SPATS2: variants seen among roughly 807,000 people sequenced by gnomAD.
SPATS2 encodes spermatogenesis associated serine rich 2, also known as spermatogenesis-associated serine-rich protein 2.
Under a neutral mutation model 63.7 loss-of-function variants are expected in SPATS2, and 38 were observed. The observed-to-expected ratio is 0.60, with a 90% CI of 0.46 to 0.78. The LOEUF is 0.78. Ranked by LOEUF, SPATS2 falls within the 30% of genes least tolerant of loss-of-function variation. The pLI is 0.00. For synonymous variants in SPATS2, 207 were observed against 232.9 expected, an observed-to-expected ratio of 0.89 and a Z score of 1.01; for missense variants, 588 against 666.2, an observed-to-expected ratio of 0.88 and a Z score of 1.29.
At chr12:49,494,629 T>A in intron 6 of SPATS2, 112 bp from the exon 7 acceptor site, 1 of 1,063,354 alleles carries the variant, frequency 9.4e-7, no homozygotes. Context: ...TGAAAGAACA[T>A]ACAAGAAATT....
At chr12:49,402,032 A>G (rs11610997) in intron 2 of SPATS2, among the ~76,000 whole-genome samples, 7,350 of 152,316 alleles carry the variant, frequency 0.048, 263 homozygotes, top group Non-Finnish European at 0.075. Context: ...GCTGGAGTGC[A>G]GTGGTGCAAA....
chr12:49,476,741 G>GTGGA (rs1346668028), intron 3 of SPATS2, among the ~76,000 whole-genome samples: 5 of 152,174 alleles, frequency 3.3e-5, no homozygotes, highest in Non-Finnish European at 7.3e-5. Context: ...TTTGTGAAAG[G>GTGGA]TGGACTGACT....
chr12:49,427,622 G>A (rs1350022723), intron 2 of SPATS2, among the ~76,000 whole-genome samples: 1 of 152,130 alleles, frequency 6.6e-6, no homozygotes, highest in Non-Finnish European at 1.5e-5. Flanking sequence ...AAATAAATAA[G>A]AAATGAAACC....
At chr12:49,504,187 C>T (rs1380029832) in intron 9 of SPATS2, among the ~76,000 whole-genome samples, 2 of 152,078 alleles carry the variant, frequency 1.3e-5, no homozygotes, top group African/African-American at 2.4e-5. Flanking sequence ...CAGATTTGCC[C>T]CAGTAAAAGT....
intron 8 of SPATS2, 59 bp downstream of exon 8, chr12:49,497,068 G>A: frequency 4.8e-6 from 7 of 1,460,362 alleles, no homozygotes; most frequent in Non-Finnish European, 6.4e-6. Context: ...GGCTAAAGAG[G>A]GCAAATTATC....
At chr12:49,397,277 T>C (rs1241797806) in intron 2 of SPATS2, among the ~76,000 whole-genome samples, 1 of 152,220 alleles carries the variant, frequency 6.6e-6, no homozygotes, top group Non-Finnish European at 1.5e-5. Context: ...TTTCATGGCA[T>C]GTATCATAGT....
chr12:49,498,997 G>C (rs186257557), intron 8 of SPATS2, among the ~76,000 whole-genome samples: 24 of 152,092 alleles, frequency 1.6e-4, no homozygotes, highest in Non-Finnish European at 2.5e-4. Flanking sequence ...TGCTGGCCAG[G>C]CTGGTCTTGA....
intron 3 of SPATS2, among the ~76,000 whole-genome samples, chr12:49,477,230 A>T (rs1403103211): frequency 6.6e-6 from 1 of 152,202 alleles, no homozygotes; most frequent in African/African-American, 2.4e-5. Flanking sequence ...TCCTTCCCGT[A>T]AAAACCCTGA....
intron 2 of SPATS2, among the ~76,000 whole-genome samples, chr12:49,390,964 GT>G (rs1299656585): frequency 1.3e-5 from 2 of 152,166 alleles, no homozygotes; most frequent in Non-Finnish European, 2.9e-5. Context: ...AGGATACTAT[GT>G]AGTTCATTTA....
At chr12:49,428,273 C>CAAAA (rs35741319) in intron 2 of SPATS2, among the ~76,000 whole-genome samples, 2 of 138,654 alleles carry the variant, frequency 1.4e-5, no homozygotes, top group African/African-American at 2.6e-5. Context: ...AACAAACAAA[C>CAAAA]AAAAAAAAAA....
At chr12:49,448,140 CTT>C (rs572119924) in intron 2 of SPATS2, among the ~76,000 whole-genome samples, 18 of 132,090 alleles carry the variant, frequency 1.4e-4, no homozygotes, top group Non-Finnish European at 1.2e-4. Context: ...TATTTTCTTT[CTT>C]TTTTTTTTTT....
chr12:49,391,163 G>A (rs1187137229), intron 2 of SPATS2, among the ~76,000 whole-genome samples: 1 of 152,214 alleles, frequency 6.6e-6, no homozygotes, highest in African/African-American at 2.4e-5. Flanking sequence ...GCTGAAAGCG[G>A]GGGTAGAGGT....
upstream of SPATS2, chr12:49,367,458 C>T: frequency 2.5e-6 from 1 of 400,416 alleles, no homozygotes; most frequent in Non-Finnish European, 4.4e-6. Flanking sequence ...GGGAGGAGCG[C>T]GGCGGCGACG....
intron 2 of SPATS2, among the ~76,000 whole-genome samples, chr12:49,455,796 A>AT (rs1199129762): frequency 2.0e-5 from 3 of 151,932 alleles, no homozygotes; most frequent in Admixed American, 1.3e-4. Context: ...TAATTTTTGT[A>AT]TTTTTTGTAG....
At chr12:49,457,036 T>C (rs946128508) in intron 2 of SPATS2, among the ~76,000 whole-genome samples, 2 of 152,128 alleles carry the variant, frequency 1.3e-5, no homozygotes, top group African/African-American at 2.4e-5. Context: ...TTCCAGTTTT[T>C]CTTTAACTTT....
chr12:49,526,326 C>G lies in SPATS2; in HGVS notation c.*71C>G. 1.3e-6 allele frequency: 2 copies of G among 1,488,760 alleles called. No homozygotes were observed. The highest frequency in any genetic ancestry group is 1.4e-5 in the South Asian group (1 of 72,000). 92.2% of individuals were successfully genotyped at this position (1,488,760 alleles called of 1,614,324 possible). ...TGATAACTGGACTTTAGGAAACTTA[C>G]AGTTAGATGTAATAACAAAAAGAAG... On this transcript the variant is annotated 3_prime_UTR_variant, in exon 14 of 14. Transcript: ENST00000552918.
At chr12:49,405,421 G>A (rs1944676746) in intron 2 of SPATS2, among the ~76,000 whole-genome samples, 1 of 152,088 alleles carries the variant, frequency 6.6e-6, no homozygotes, top group East Asian at 1.9e-4. Context: ...GCTTGGGCTG[G>A]GCACCGTGGC....
intron 2 of SPATS2, among the ~76,000 whole-genome samples, chr12:49,382,924 C>T (rs1247611847): frequency 9.9e-5 from 15 of 151,738 alleles, no homozygotes; most frequent in African/African-American, 3.4e-4. Context: ...AGGCTGGTCA[C>T]GAACTCCTGA....
At chr12:49,367,773 G>C (rs779414993) in intron 1 of SPATS2, among the ~76,000 whole-genome samples, 186 bp downstream of exon 1, 1 of 151,954 alleles carries the variant, frequency 6.6e-6, no homozygotes, top group Non-Finnish European at 1.5e-5. Flanking sequence ...GGTCTGTGGG[G>C]CGGGTGAAAC....
Sources: allele counts gnomAD v4.1 joint callset (sites outside exome capture counted in the v4.1 genomes callset), GRCh38; gene constraint gnomAD v4.1.1; transcripts MANE v1.5; gene names NCBI Gene and HGNC (gene_info 2026-07-23, HGNC 2026-07-21).